SPAG17: variants seen among roughly 807,000 people sequenced by gnomAD.
The protein encoded by SPAG17 is sperm-associated antigen 17.
SPAG17 carries 169 observed loss-of-function variants against 273.6 expected under a neutral mutation model. The ratio of observed to expected loss-of-function variants is 0.62; its 90% confidence interval spans 0.55 to 0.70. The LOEUF (loss-of-function observed/expected upper bound fraction) is 0.70. Among genes scored for constraint, SPAG17 ranks in the 30% least tolerant of loss-of-function variants. SPAG17 has a pLI of 0.00. For synonymous variants in SPAG17, 825 were observed against 873.2 expected, an observed-to-expected ratio of 0.94 and a Z score of 0.97; for missense variants, 2,557 against 2,627.8, an observed-to-expected ratio of 0.97 and a Z score of 0.59.
rs1268317004 is a variant in SPAG17 at position 118,086,968 on chromosome 1, C to T, written c.1400G>A (p.Arg467Gln). ...CCCGTCTGCTCTGGGGGATGGCTCC[C>T]GCAGACTGGGTGGGACGAGATCTTC... is the stretch of plus-strand genomic sequence containing the variant. ...TEEDLVPPSL[R>Q]EPSPRADGLD... Residue 467 changes from arginine (R) to glutamine (Q), a missense_variant, in exon 11 of 49, where the codon CGG becomes CAG. Transcript: ENST00000336338. 9 of 1,583,164 alleles carry T rather than the reference C, an allele frequency of 5.7e-6. No individual in the cohort carries two copies. The highest frequency in any genetic ancestry group is 2.0e-5 in the Admixed American group (1 of 50,378).
chr1:118,017,598 T>C (rs1208604674), intron 28 of SPAG17, among the ~76,000 whole-genome samples: 1 of 152,138 alleles, frequency 6.6e-6, no homozygotes, highest in African/African-American at 2.4e-5. Context: ...ATTTGGAAGA[T>C]TAGTTACATG....
chr1:118,004,722 G>A (rs925216135), intron 32 of SPAG17, among the ~76,000 whole-genome samples: 3 of 152,194 alleles, frequency 2.0e-5, no homozygotes, highest in South Asian at 2.1e-4. Flanking sequence ...GTTTGTCATG[G>A]TTTCCCTTGG....
At chr1:118,121,606 G>T (rs1657424427) in intron 3 of SPAG17, among the ~76,000 whole-genome samples, 1 of 152,132 alleles carries the variant, frequency 6.6e-6, no homozygotes, top group Admixed American at 6.5e-5. Context: ...AATGTCTGAT[G>T]ATCTGAAGTG....
chr1:118,173,581 C>T (rs754078676), intron 1 of SPAG17, among the ~76,000 whole-genome samples: 2 of 152,024 alleles, frequency 1.3e-5, no homozygotes, highest in African/African-American at 2.4e-5. Context: ...AGGAATACAA[C>T]GACACATCTA....
intron 3 of SPAG17, 58 bp from the exon 4 acceptor site, chr1:118,115,499 G>A: frequency 3.4e-6 from 5 of 1,488,860 alleles, no homozygotes; most frequent in Non-Finnish European, 4.5e-6. Flanking sequence ...GGCACAGTCT[G>A]TCAGTGATGA....
chr1:118,096,329 C>T (rs577449789), intron 7 of SPAG17, among the ~76,000 whole-genome samples: 2 of 150,966 alleles, frequency 1.3e-5, no homozygotes, highest in East Asian at 4.0e-4. Context: ...AGGCTTTGAT[C>T]TCACTCTTCT....
chr1:118,167,218 TAA>T, intron 1 of SPAG17, among the ~76,000 whole-genome samples: 3 of 152,332 alleles, frequency 2.0e-5, no homozygotes, highest in Admixed American at 2.0e-4. Context: ...CTGATTTTTT[TAA>T]AAGTGTTTTG....
intron 5 of SPAG17, 29 bp from the exon 6 acceptor site, chr1:118,099,829 C>T (rs777767091): frequency 6.3e-7 from 1 of 1,597,400 alleles, no homozygotes; most frequent in Non-Finnish European, 8.6e-7. Flanking sequence ...AGAAGAGCAG[C>T]CATCATTGTA....
chr1:117,963,603 AT>A (rs1653407644), intron 48 of SPAG17, 195 bp downstream of exon 48: 2 of 382,268 alleles, frequency 5.2e-6, no homozygotes, highest in Non-Finnish European at 9.6e-6. Flanking sequence ...TGACCTTGTG[AT>A]CCACCCACCT....
At chr1:118,093,774 G>A (rs369260184) in intron 7 of SPAG17, among the ~76,000 whole-genome samples, 24 of 151,594 alleles carry the variant, frequency 1.6e-4, no homozygotes, top group African/African-American at 5.6e-4. Flanking sequence ...ACCCAAGTAC[G>A]TTGCATCTAC....
chr1:117,979,521 C>T lies in SPAG17; in HGVS notation c.6004+1749G>A, dbSNP rs546518119. Among the ~76,000 whole-genome samples the T allele has an allele frequency of 1.9e-4, 29 of 152,274 alleles. No homozygotes were observed. The South Asian group carries it at 5.6e-3, about 29-fold the overall frequency. On this transcript the variant is annotated intron_variant, in intron 43 of 48. Coordinates refer to ENST00000336338, the MANE Select transcript of SPAG17 (RefSeq NM_206996.4). The stretch of plus-strand genomic sequence containing the variant: ...TGCCACTTCAGTTGCTTCTTCCTTG[C>T]TTGCTCTTTTTCTCACTCCTCCCTT...
chr1:118,145,552 T>C (rs1658928776), intron 3 of SPAG17, among the ~76,000 whole-genome samples: 1 of 152,186 alleles, frequency 6.6e-6, no homozygotes, highest in Non-Finnish European at 1.5e-5. Context: ...TAAACTGCAT[T>C]TGGTCCATTA....
At chr1:117,992,444 C>T (rs1657201736) in intron 36 of SPAG17, 22 bp downstream of exon 36, 7 of 1,557,878 alleles carry the variant, frequency 4.5e-6, no homozygotes, top group East Asian at 2.3e-5. Flanking sequence ...TCTTTTGGGT[C>T]AGGTCACCTA....
At chr1:118,113,794 C>G (rs1277952623) in intron 4 of SPAG17, among the ~76,000 whole-genome samples, 1 of 152,062 alleles carries the variant, frequency 6.6e-6, no homozygotes, top group Non-Finnish European at 1.5e-5. Flanking sequence ...TTAGAGTTCA[C>G]ATTTCAAAGA....
intron 3 of SPAG17, among the ~76,000 whole-genome samples, chr1:118,118,178 C>T (rs1657201607): frequency 6.6e-6 from 1 of 152,114 alleles, no homozygotes; most frequent in Admixed American, 6.5e-5. Context: ...GGAAATGTAC[C>T]TTTTCACATA....
Position 117,996,386 on chromosome 1 carries a change from T to A in SPAG17, c.5037A>T (p.Pro1679=). The stretch of plus-strand genomic sequence containing the variant: ...GTCCTCTACCTGGCTGTTCCTGCAC[T>A]GGCTCTTGGAGAACAACAGTATTTG... The part of the protein sequence containing the change: ...KESNTVVLQE[P]VQEQPGTLTI... The change falls in exon 34 of 49, where the codon CCA becomes CCT. Residue 1679 remains proline, a synonymous_variant. Coordinates refer to ENST00000336338, the MANE Select transcript of SPAG17 (RefSeq NM_206996.4). 1 of 1,612,368 alleles carries A rather than the reference T, an allele frequency of 6.2e-7. No individual in the cohort carries two copies. The highest frequency in any genetic ancestry group is 8.5e-7 in the Non-Finnish European group (1 of 1,179,064).
At chr1:118,121,266 G>A (rs1459160967) in intron 3 of SPAG17, among the ~76,000 whole-genome samples, 1 of 152,198 alleles carries the variant, frequency 6.6e-6, no homozygotes, top group Non-Finnish European at 1.5e-5. Flanking sequence ...CTGTATTGCG[G>A]GAGAGGAGTA....
In SPAG17 at chr1:118,154,961, T is replaced by C. The variant is rs140184809; in HGVS notation, c.88-3592A>G. ...GAAAAGCTATACTGGATATATCCAA[T>C]GGTGAAGGAAGAGGGTCTGGGTCTG... On this transcript the variant is annotated intron_variant, in intron 1 of 48. Transcript: ENST00000336338. 7.5e-4 allele frequency among the ~76,000 whole-genome samples: 114 copies of C among 152,234 alleles called. 1 individual carries two copies. Among genetic ancestry groups the C allele is most frequent in the African/African-American group, 2.7e-3 (112 of 41,536 alleles).
intron 29 of SPAG17, among the ~76,000 whole-genome samples, chr1:118,014,782 T>A (rs976107799): frequency 6.6e-6 from 1 of 152,160 alleles, no homozygotes; most frequent in African/African-American, 2.4e-5. Context: ...CAAATCTCCA[T>A]ATAAGATGTT....
Sources: allele counts gnomAD v4.1 joint callset (sites outside exome capture counted in the v4.1 genomes callset), GRCh38; gene constraint gnomAD v4.1.1; transcripts MANE v1.5; gene names NCBI Gene and HGNC (gene_info 2026-07-23, HGNC 2026-07-21).